LAMA2: variants seen among roughly 807,000 people sequenced by gnomAD.
LAMA2 encodes laminin subunit alpha-2.
Under a neutral mutation model 364.8 loss-of-function variants are expected in LAMA2, and 269 were observed. That is an observed-to-expected ratio of 0.74 (90% CI 0.67 to 0.82). The LOEUF is 0.82. Ranked by LOEUF, LAMA2 falls within the 40% of genes least tolerant of loss-of-function variation. The pLI is 0.00. For missense variants in LAMA2, 3,807 were observed against 3,873.2 expected, an observed-to-expected ratio of 0.98 and a Z score of 0.45; for synonymous variants, 1,379 against 1,370.6, an observed-to-expected ratio of 1.01 and a Z score of -0.14.
At chr6:128,938,556 C>T (rs75340345) in intron 1 of LAMA2, among the ~76,000 whole-genome samples, 12 of 152,262 alleles carry the variant, frequency 7.9e-5, no homozygotes, top group African/African-American at 2.9e-4. Flanking sequence ...CTGAACTTTA[C>T]CACATCTGTC....
At chr6:129,404,710 T>G (rs1315155170) in intron 40 of LAMA2, among the ~76,000 whole-genome samples, 1 of 152,134 alleles carries the variant, frequency 6.6e-6, no homozygotes, top group Admixed American at 6.5e-5. Context: ...TTGTTTCACA[T>G]AGAACCTACC....
intron 1 of LAMA2, among the ~76,000 whole-genome samples, chr6:128,923,283 T>G (rs1778859575): frequency 6.6e-6 from 1 of 151,706 alleles, no homozygotes; most frequent in Admixed American, 6.6e-5. Flanking sequence ...GCATTGAATC[T>G]GTAAATTACC....
At chr6:129,406,501 T>A (rs1000663286) in intron 40 of LAMA2, among the ~76,000 whole-genome samples, 1 of 152,194 alleles carries the variant, frequency 6.6e-6, no homozygotes, top group African/African-American at 2.4e-5. Flanking sequence ...ATATCTCATT[T>A]AGTACTTCTC....
intron 22 of LAMA2, among the ~76,000 whole-genome samples, chr6:129,301,377 A>G (rs1338148925): frequency 6.6e-6 from 1 of 152,134 alleles, no homozygotes; most frequent in Non-Finnish European, 1.5e-5. Flanking sequence ...GTTCAGAGAG[A>G]TCTATCTAGC....
intron 35 of LAMA2, among the ~76,000 whole-genome samples, chr6:129,389,057 A>G (rs1473423946): frequency 2.0e-5 from 3 of 152,182 alleles, no homozygotes. Flanking sequence ...GACACAGCCT[A>G]GGTGATGTAT....
rs572407104 is a variant in LAMA2, at chr6:128,944,049, G to A, written c.112+60692G>A. On this transcript the variant is annotated intron_variant, in intron 1 of 64. Coordinates refer to ENST00000421865, the MANE Select transcript of LAMA2 (RefSeq NM_000426.4). ...AACCTGACAATCTAGTACTTTGTAG[G>A]AACTAATGTGTATAATCTTAGGGGG... Among the ~76,000 whole-genome samples the A allele has an allele frequency of 3.9e-5, 6 of 152,274 alleles. No individual in the cohort carries two copies. In the South Asian group the frequency reaches 1.2e-3, roughly 32 times the overall value.
At chr6:128,967,098 G>A (rs1465297946) in intron 1 of LAMA2, among the ~76,000 whole-genome samples, 3 of 152,146 alleles carry the variant, frequency 2.0e-5, no homozygotes, top group African/African-American at 4.8e-5. Flanking sequence ...GTGCCCCAGA[G>A]TCAATGAGTT....
chr6:129,029,977 T>C (rs1310952803), intron 1 of LAMA2, among the ~76,000 whole-genome samples: 1 of 152,044 alleles, frequency 6.6e-6, no homozygotes, highest in Non-Finnish European at 1.5e-5. Flanking sequence ...AAAGAGTTCC[T>C]CCCTTTTGAA....
intron 4 of LAMA2, among the ~76,000 whole-genome samples, chr6:129,128,205 C>A (rs950534422): frequency 6.6e-6 from 1 of 152,134 alleles, no homozygotes; most frequent in Non-Finnish European, 1.5e-5. Context: ...CAATTTTATT[C>A]TTCTGCATGT....
At chr6:129,013,418 AAGAG>A (rs912729851) in intron 1 of LAMA2, among the ~76,000 whole-genome samples, 8 of 152,052 alleles carry the variant, frequency 5.3e-5, no homozygotes, top group Non-Finnish European at 1.0e-4. Flanking sequence ...GCCTGGGCGA[AAGAG>A]AGAGACTCCA....
intron 2 of LAMA2, 84 bp from the exon 3 acceptor site, chr6:129,059,700 T>C (rs77668244): frequency 1.7e-5 from 11 of 646,824 alleles, no homozygotes; most frequent in Non-Finnish European, 2.4e-5. Flanking sequence ...GTTTTAACCA[T>C]TTTTTTTTAC....
chr6:129,236,631 A>T (rs116369276), intron 12 of LAMA2, among the ~76,000 whole-genome samples: 188 of 152,284 alleles, frequency 1.2e-3, no homozygotes, highest in African/African-American at 4.2e-3. Flanking sequence ...ATAACATTGA[A>T]ATAGTAAGTA....
intron 1 of LAMA2, among the ~76,000 whole-genome samples, chr6:128,888,735 A>G (rs1429362830): frequency 6.6e-6 from 1 of 152,220 alleles, no homozygotes; most frequent in Non-Finnish European, 1.5e-5. Context: ...ACTGGAACAC[A>G]TAGCATTGTT....
At chr6:128,956,659 G>A (rs1351537381) in intron 1 of LAMA2, among the ~76,000 whole-genome samples, 2 of 151,942 alleles carry the variant, frequency 1.3e-5, no homozygotes, top group Non-Finnish European at 2.9e-5. Context: ...CGCAATTATT[G>A]CTTTCTTCAT....
chr6:129,171,190 G>C (rs1300706078), intron 9 of LAMA2, among the ~76,000 whole-genome samples: 1 of 151,880 alleles, frequency 6.6e-6, no homozygotes, highest in East Asian at 1.9e-4. Flanking sequence ...AGTTAATATT[G>C]TTATGTGTGA....
chr6:128,900,767 T>C (rs1219061707), intron 1 of LAMA2, among the ~76,000 whole-genome samples: 1 of 152,222 alleles, frequency 6.6e-6, no homozygotes, highest in Non-Finnish European at 1.5e-5. Context: ...TGGATAAGAT[T>C]GCCTCTTTAC....
intron 37 of LAMA2, among the ~76,000 whole-genome samples, chr6:129,396,319 C>T (rs1779615670): frequency 6.6e-6 from 1 of 152,094 alleles, no homozygotes. Flanking sequence ...CTACATAATA[C>T]TATGATAATA....
At chr6:129,514,621 A>ATTTC in intron 64 of LAMA2, 26 bp downstream of exon 64, 3 of 1,546,082 alleles carry the variant, frequency 1.9e-6, no homozygotes, top group Non-Finnish European at 2.7e-6. Context: ...CCCAGCAACA[A>ATTTC]TTTCTTTGCT....
intron 12 of LAMA2, among the ~76,000 whole-genome samples, chr6:129,234,424 T>C (rs1784858489): frequency 6.6e-6 from 1 of 152,164 alleles, no homozygotes; most frequent in African/African-American, 2.4e-5. Context: ...TTCTTGAGTT[T>C]TTTACTTATA....
Sources: allele counts gnomAD v4.1 joint callset (sites outside exome capture counted in the v4.1 genomes callset), GRCh38; gene constraint gnomAD v4.1.1; transcripts MANE v1.5; gene names NCBI Gene and HGNC (gene_info 2026-07-23, HGNC 2026-07-21).